Variants in ARIH1 observed in about 807,000 individuals in gnomAD.
ARIH1 encodes the protein ariadne RBR E3 ubiquitin protein ligase 1, also known as E3 ubiquitin-protein ligase ARIH1.
Under a neutral mutation model 85.0 loss-of-function variants are expected in ARIH1, and 8 were observed. The ratio of observed to expected loss-of-function variants is 0.09; its 90% CI spans 0.06 to 0.17. The LOEUF (loss-of-function observed/expected upper bound fraction) is 0.17. Among genes scored for constraint, ARIH1 ranks in the 10% least tolerant of loss-of-function variants. The probability of loss-of-function intolerance (pLI) is 1.00; values close to 1 mark genes in which losing one functional copy is unlikely to be tolerated. For synonymous variants in ARIH1, 238 were observed against 253.6 expected, an observed-to-expected ratio of 0.94 and a Z score of 0.59; for missense variants, 311 against 718.1, an observed-to-expected ratio of 0.43 and a Z score of 6.48.
At chr15:72,479,291 A>G (rs942011513) in intron 1 of ARIH1, among the ~76,000 whole-genome samples, 1 of 152,142 alleles carries the variant, frequency 6.6e-6, no homozygotes, top group Non-Finnish European at 1.5e-5. Flanking sequence ...CCTGTACCAT[A>G]TTTAGAGTGT....
At chr15:72,490,976 TGTG>T (rs553809011) in intron 1 of ARIH1, among the ~76,000 whole-genome samples, 106 of 151,894 alleles carry the variant, frequency 7.0e-4, no homozygotes, top group Middle Eastern at 3.4e-3. Flanking sequence ...ATTAGCCCGG[TGTG>T]GTGGTGTGCT....
chr15:72,566,706 A>ATTTT, intron 8 of ARIH1, 101 bp downstream of exon 8: 1 of 761,292 alleles, frequency 1.3e-6, no homozygotes, highest in Non-Finnish European at 2.1e-6. Flanking sequence ...CTATTGATAG[A>ATTTT]TTTTTTTTTA....
intron 1 of ARIH1, among the ~76,000 whole-genome samples, chr15:72,511,288 T>C (rs1404418139): frequency 2.6e-5 from 4 of 152,174 alleles, no homozygotes; most frequent in East Asian, 1.9e-4. Context: ...TGTAAAAATA[T>C]AGCTGATCTT....
chr15:72,524,263 G>A (rs1300897383), intron 2 of ARIH1, among the ~76,000 whole-genome samples: 3 of 135,526 alleles, frequency 2.2e-5, no homozygotes, highest in Non-Finnish European at 3.2e-5. Flanking sequence ...TTTTTTTTGA[G>A]ATGGATGGAG....
chr15:72,580,038 A>G (rs557643013), intron 11 of ARIH1, among the ~76,000 whole-genome samples: 3 of 152,332 alleles, frequency 2.0e-5, no homozygotes, highest in African/African-American at 7.2e-5. Flanking sequence ...CATCCAGTCT[A>G]TCTGAAACTT....
chr15:72,496,855 A>G (rs2063882185), intron 1 of ARIH1: 1 of 985,530 alleles, frequency 1.0e-6, no homozygotes, highest in Non-Finnish European at 1.2e-6. Context: ...CTGCAGCAGC[A>G]AAGGTAGGAC....
At chr15:72,552,826 G>C (rs1219653356) in intron 3 of ARIH1, among the ~76,000 whole-genome samples, 2 of 151,218 alleles carry the variant, frequency 1.3e-5, no homozygotes, top group Non-Finnish European at 2.9e-5. Context: ...CCAAGCTGGA[G>C]TGCGGTGGTG....
chr15:72,561,623 T>C (rs1230211666), intron 6 of ARIH1, 74 bp downstream of exon 6: 1 of 897,610 alleles, frequency 1.1e-6, no homozygotes, highest in East Asian at 2.8e-5. Flanking sequence ...AAAATTATAA[T>C]TTATTGACAG....
At chr15:72,565,763 CAT>C (rs1182314668) in intron 7 of ARIH1, among the ~76,000 whole-genome samples, 4 of 152,114 alleles carry the variant, frequency 2.6e-5, no homozygotes, top group Admixed American at 2.0e-4. Context: ...AAACATGACA[CAT>C]ATATTTGAAG....
At chr15:72,563,277 T>G (rs1351950553) in intron 6 of ARIH1, 117 bp from the exon 7 acceptor site, 2 of 762,594 alleles carry the variant, frequency 2.6e-6, no homozygotes, top group Non-Finnish European at 4.5e-6. Flanking sequence ...CGGGCTGGTC[T>G]GGAGTGCTTG....
intron 2 of ARIH1, 57 bp from the exon 3 acceptor site, chr15:72,544,763 G>C (rs2064121949): frequency 7.0e-7 from 1 of 1,428,834 alleles, no homozygotes; most frequent in Non-Finnish European, 9.4e-7. Context: ...GGTTTTTGGA[G>C]AGCTCTAACA....
intron 1 of ARIH1, among the ~76,000 whole-genome samples, chr15:72,495,980 A>T (rs2063878404): frequency 6.6e-6 from 1 of 152,136 alleles, no homozygotes. Flanking sequence ...GTGTAATCAC[A>T]GCTCACCGCA....
chr15:72,547,013 C>T (rs998782305), intron 3 of ARIH1, among the ~76,000 whole-genome samples: 70 of 151,500 alleles, frequency 4.6e-4, no homozygotes, highest in African/African-American at 1.6e-3. Context: ...CTGCAAGCTC[C>T]GCCTCCCAGG....
intron 1 of ARIH1, among the ~76,000 whole-genome samples, chr15:72,481,550 T>C (rs1255611401): frequency 6.6e-6 from 1 of 152,080 alleles, no homozygotes; most frequent in African/African-American, 2.4e-5. Flanking sequence ...CTGGGCGTGG[T>C]GGCCTGTGCC....
At chr15:72,535,116 T>G (rs2064076115) in intron 2 of ARIH1, among the ~76,000 whole-genome samples, 2 of 150,250 alleles carry the variant, frequency 1.3e-5, no homozygotes, top group Non-Finnish European at 3.0e-5. Flanking sequence ...CTCGCCCGGC[T>G]AATTTTTTGT....
chr15:72,538,547 T>C lies in ARIH1; in HGVS notation c.444-6273T>C, dbSNP rs374676847. On this transcript the variant is annotated intron_variant, in intron 2 of 13. Coordinates refer to ENST00000379887, the MANE Select transcript of ARIH1 (RefSeq NM_005744.5). Reference sequence around the variant, plus strand: ...ATAAAATTAAATATTCGAATGGCAGTGATGCCACAGTCACTCAGGATTCAA... The same window carrying C: ...ATAAAATTAAATATTCGAATGGCAGCGATGCCACAGTCACTCAGGATTCAA... 9.7e-4 allele frequency among the ~76,000 whole-genome samples: 148 copies of C among 152,368 alleles called. 1 individual carries two copies. In the South Asian group the frequency reaches 0.029, roughly 30 times the overall value.
chr15:72,494,797 A>C (rs1439908344), intron 1 of ARIH1, among the ~76,000 whole-genome samples: 2 of 146,634 alleles, frequency 1.4e-5, no homozygotes, highest in Admixed American at 1.4e-4. Flanking sequence ...AAGGCATTCA[A>C]GATACCGTGA....
rs141193967 is a variant in ARIH1 at position 72,482,827 on chromosome 15, T to TTC, written c.375+7825_375+7826dup. On this transcript the variant is annotated intron_variant, in intron 1 of 13. Transcript: ENST00000379887. ...AACCAAGGTGACGGCTTGGTAGCAGTTCTCTCTCTCTCTTTTTTTTTTTTT... is the reference window on the plus strand; with the variant it reads ...AACCAAGGTGACGGCTTGGTAGCAGTTCTCTCTCTCTCTCTTTTTTTTTTTTT... Among the ~76,000 whole-genome samples the TTC allele has an allele frequency of 2.0e-3, 290 of 144,286 alleles. 2 individuals carry two copies. The highest frequency in any genetic ancestry group is 5.9e-3 in the East Asian group (28 of 4,728). 94.7% of individuals were successfully genotyped at this position (144,286 alleles called of 152,430 possible).
At position 72,498,851 on chromosome 15, in the gene ARIH1, A is replaced by T. The variant is rs550651012; in HGVS notation, c.376-19216A>T. On this transcript the variant is annotated intron_variant, in intron 1 of 13. Coordinates refer to ENST00000379887, the MANE Select transcript of ARIH1 (RefSeq NM_005744.5). ...GTGAAACACTCCATCTCAAAAATAA[A>T]AAAAAAAAAGAACTCTTCAAATTTT... Among the ~76,000 whole-genome samples the T allele has an allele frequency of 2.4e-4, 36 of 151,962 alleles. 1 individual carries two copies. The South Asian group carries it at 6.8e-3, about 29-fold the overall frequency.
Sources: gnomAD v4.1 joint callset for allele counts (sites outside exome capture counted in the v4.1 genomes callset) on GRCh38, gnomAD v4.1.1 for gene constraint, MANE v1.5 for transcripts, NCBI Gene and HGNC (gene_info 2026-07-23, HGNC 2026-07-21) for gene names.